The following ALK variants were observed in gnomAD, a reference collection of about 807,000 sequenced individuals.
The protein encoded by ALK is ALK receptor tyrosine kinase, also known as ALK tyrosine kinase receptor.
Under a neutral mutation model 163.1 loss-of-function variants are expected in ALK, and 74 were observed. That is an observed-to-expected ratio of 0.45 (90% CI 0.38 to 0.55). The LOEUF (loss-of-function observed/expected upper bound fraction) is 0.55. Among genes scored for constraint, ALK ranks in the 20% least tolerant of loss-of-function variants. The pLI is 0.00. For missense variants in ALK, 2,063 were observed against 2,105.3 expected (o/e 0.98, Z 0.39); for synonymous variants, 960 against 843.2 (o/e 1.14, Z -2.40).
rs550988353 is a variant in ALK at position 29,908,763 on chromosome 2, T to A, written c.667+11230A>T. Among the ~76,000 whole-genome samples the A allele has an allele frequency of 1.8e-3, 280 of 152,310 alleles. 1 individual carries two copies. The highest frequency in any genetic ancestry group is 6.1e-3 in the African/African-American group (255 of 41,582). On this transcript the variant is annotated intron_variant, in intron 1 of 28. Transcript: ENST00000389048. ...CTCTCCTTAATCACCCCAGCAGGAA[T>A]TGACCTCTCCAACCCTCTATCCAAC... is the stretch of plus-strand genomic sequence containing the variant.
At chr2:29,717,104 G>A (rs1409578232) in intron 2 of ALK, among the ~76,000 whole-genome samples, 4 of 149,596 alleles carry the variant, frequency 2.7e-5, no homozygotes, top group South Asian at 2.1e-4. Flanking sequence ...CCCAGGAGGC[G>A]GAGCTTGCAG....
chr2:29,385,210 T>A (rs557900899), intron 4 of ALK, among the ~76,000 whole-genome samples: 1 of 152,048 alleles, frequency 6.6e-6, no homozygotes, highest in African/African-American at 2.4e-5. Flanking sequence ...ATTAAATAAA[T>A]TTTTTTAAAT....
At chr2:29,853,435 T>G (rs1161798887) in intron 1 of ALK, among the ~76,000 whole-genome samples, 3 of 152,272 alleles carry the variant, frequency 2.0e-5, no homozygotes, top group African/African-American at 7.2e-5. Context: ...ACATCCAATC[T>G]CTCAGCAAGT....
chr2:29,404,246 G>C (rs1248702909), intron 4 of ALK, among the ~76,000 whole-genome samples: 1 of 149,140 alleles, frequency 6.7e-6, no homozygotes, highest in Non-Finnish European at 1.5e-5. Flanking sequence ...GGAGGTTGCA[G>C]TGAGCCCAGA....
At chr2:29,575,656 C>A (rs1030795810) in intron 3 of ALK, among the ~76,000 whole-genome samples, 1 of 152,172 alleles carries the variant, frequency 6.6e-6, no homozygotes, top group Non-Finnish European at 1.5e-5. Context: ...GCAGGGCAAC[C>A]ATTTGTTAAG....
rs62130614 is a variant in ALK, at chr2:29,282,958, G to T, written c.1818-7462C>A. On this transcript the variant is annotated intron_variant, in intron 9 of 28. Transcript: ENST00000389048. Reference sequence around the variant, plus strand: ...GGAGACCCATCTCTGGCAAGTTCCTGTTTTTCTTTCATTCTCGAAATCTGT... The same window carrying T: ...GGAGACCCATCTCTGGCAAGTTCCTTTTTTTCTTTCATTCTCGAAATCTGT... Among the ~76,000 whole-genome samples the T allele has an allele frequency of 9.8e-3, 1,489 of 152,292 alleles. 26 individuals are homozygous for T. The highest frequency in any genetic ancestry group is 0.016 in the Non-Finnish European group (1,077 of 68,018).
intron 5 of ALK, among the ~76,000 whole-genome samples, chr2:29,366,496 G>A (rs1159980051): frequency 1.3e-5 from 2 of 152,188 alleles, no homozygotes; most frequent in Non-Finnish European, 2.9e-5. Flanking sequence ...CCTGAGAGGG[G>A]CCCAGAGGTG....
At chr2:29,499,222 A>G (rs918984216) in intron 4 of ALK, among the ~76,000 whole-genome samples, 34 of 151,876 alleles carry the variant, frequency 2.2e-4, no homozygotes, top group Non-Finnish European at 1.5e-5. Context: ...TTTTTGAGAC[A>G]GGGTCTTGCT....
At chr2:29,546,880 G>A (rs1673569239) in intron 3 of ALK, among the ~76,000 whole-genome samples, 1 of 152,094 alleles carries the variant, frequency 6.6e-6, no homozygotes. Flanking sequence ...CATCTACTGT[G>A]GTTCTCAGAT....
At chr2:29,721,363 A>G (rs1021753953) in intron 1 of ALK, among the ~76,000 whole-genome samples, 11 of 152,160 alleles carry the variant, frequency 7.2e-5, no homozygotes, top group Non-Finnish European at 1.0e-4. Context: ...AGAGGGGTGG[A>G]GGAACACACA....
rs35306598 is a variant in ALK, at chr2:29,494,843, C to CGTGTGTGTGTGTGT, written c.1154+37058_1154+37071dup. Among the ~76,000 whole-genome samples, 712 of 147,300 alleles carry CGTGTGTGTGTGTGT rather than the reference C, an allele frequency of 4.8e-3. 4 individuals are homozygous for CGTGTGTGTGTGTGT. The highest frequency in any genetic ancestry group is 0.011 in the African/African-American group (455 of 39,764). On this transcript the variant is annotated intron_variant, in intron 4 of 28. Coordinates refer to ENST00000389048, the MANE Select transcript of ALK (RefSeq NM_004304.5). ...AGAAGCTCAAAGCTCTTTAGAGACT[C>CGTGTGTGTGTGTGT]GTGTGTGTGTGTGTGTGTGTGTGTG...
At chr2:29,593,288 G>T (rs957861497) in intron 3 of ALK, among the ~76,000 whole-genome samples, 1 of 152,194 alleles carries the variant, frequency 6.6e-6, no homozygotes, top group Non-Finnish European at 1.5e-5. Context: ...AAGAGGGATG[G>T]CTGGAGATGA....
At chr2:29,211,017 A>G (rs1669452511) in intron 24 of ALK, among the ~76,000 whole-genome samples, 1 of 152,208 alleles carries the variant, frequency 6.6e-6, no homozygotes, top group Non-Finnish European at 1.5e-5. Context: ...AGATGTACTT[A>G]GGGAGCACAG....
chr2:29,807,856 T>G (rs1394585872), intron 1 of ALK, among the ~76,000 whole-genome samples: 1 of 152,208 alleles, frequency 6.6e-6, no homozygotes, highest in Non-Finnish European at 1.5e-5. Flanking sequence ...TAAATAACAT[T>G]AGATCACATT....
At chr2:29,548,281 G>A in intron 3 of ALK, among the ~76,000 whole-genome samples, 1 of 152,124 alleles carries the variant, frequency 6.6e-6, no homozygotes, top group East Asian at 1.9e-4. Context: ...GGACCGTCCT[G>A]GCTAACACGG....
At chr2:29,325,496 G>A (rs4665455) in intron 6 of ALK, among the ~76,000 whole-genome samples, 1 of 152,126 alleles carries the variant, frequency 6.6e-6, no homozygotes, top group Non-Finnish European at 1.5e-5. Flanking sequence ...AGACCCAGAG[G>A]GGGAGGCCCC....
At chr2:29,703,266 G>A (rs1314870940) in intron 2 of ALK, among the ~76,000 whole-genome samples, 1 of 152,162 alleles carries the variant, frequency 6.6e-6, no homozygotes, top group East Asian at 1.9e-4. Context: ...GCCTGACGCT[G>A]GGCCTGACTG....
intron 3 of ALK, among the ~76,000 whole-genome samples, chr2:29,590,287 T>C (rs1675010535): frequency 1.3e-5 from 2 of 152,332 alleles, no homozygotes; most frequent in South Asian, 4.1e-4. Context: ...CTAATTTGTA[T>C]TGCATTAATT....
chr2:29,856,238 G>A (rs183350608), intron 1 of ALK, among the ~76,000 whole-genome samples: 3 of 152,226 alleles, frequency 2.0e-5, no homozygotes, highest in Admixed American at 2.0e-4. Context: ...GACTTAACAG[G>A]GCCCTAGCTC....
Sources: gnomAD v4.1 joint callset for allele counts (sites outside exome capture counted in the v4.1 genomes callset) on GRCh38, gnomAD v4.1.1 for gene constraint, MANE v1.5 for transcripts, NCBI Gene and HGNC (gene_info 2026-07-23, HGNC 2026-07-21) for gene names.